Variants in NLN observed in about 807,000 individuals in gnomAD.
NLN encodes the protein neurolysin, mitochondrial.
Under a neutral mutation model 79.9 loss-of-function variants are expected in NLN, and 64 were observed. The observed-to-expected ratio is 0.80, with a 90% CI of 0.65 to 0.99. The LOEUF (loss-of-function observed/expected upper bound fraction) is 0.99, where lower values mean the gene tolerates loss of function less well. Among genes scored for constraint, NLN ranks in the 50% least tolerant of loss-of-function variants. The pLI, the probability that NLN is intolerant of heterozygous loss-of-function variation, is 0.00. For synonymous variants in NLN, 267 were observed against 296.6 expected, an observed-to-expected ratio of 0.90 and a Z score of 1.02; for missense variants, 835 against 858.7, an observed-to-expected ratio of 0.97 and a Z score of 0.34.
chr5:65,761,763 CT>C (rs1206424762), intron 2 of NLN, among the ~76,000 whole-genome samples: 2 of 151,898 alleles, frequency 1.3e-5, no homozygotes, highest in African/African-American at 4.8e-5. Flanking sequence ...AAAAATATAC[CT>C]TATGGATTTA....
intron 2 of NLN, 113 bp from the exon 3 acceptor site, chr5:65,762,847 A>G: frequency 3.8e-6 from 4 of 1,049,450 alleles, no homozygotes; most frequent in Non-Finnish European, 5.5e-6. Context: ...CAGAAAGTAT[A>G]AAATAAAACA....
At chr5:65,805,151 C>G (rs1011566553) in intron 9 of NLN, among the ~76,000 whole-genome samples, 2 of 152,280 alleles carry the variant, frequency 1.3e-5, no homozygotes, top group Admixed American at 1.3e-4. Context: ...ACTGACTGCT[C>G]CACCGGCCAT....
At position 65,828,998 on chromosome 5, in the gene NLN, T is replaced by G. The variant is rs202242937; in HGVS notation, c.*6083T>G. On this transcript the variant is annotated 3_prime_UTR_variant, in exon 13 of 13. Transcript: ENST00000380985. Reference sequence around the variant, plus strand: ...TGGGAACTGAGGATGGGAGATTAACTGTTGTATATGACCATAGTAAAGCAA... The same window carrying G: ...TGGGAACTGAGGATGGGAGATTAACGGTTGTATATGACCATAGTAAAGCAA... 1 of 152,236 alleles carries G rather than the reference T, an allele frequency of 6.6e-6. No individual in the cohort carries two copies. Among genetic ancestry groups the G allele is most frequent in the East Asian group, 1.9e-4 (1 of 5,194 alleles). The allele number at this position is 152,236 out of a possible 1,614,324, so 9.4% of individuals were successfully genotyped here. A position where few individuals can be genotyped will look rare whatever the true frequency, so the allele number is the denominator to read the frequency against.
intron 9 of NLN, among the ~76,000 whole-genome samples, chr5:65,799,894 A>C (rs1288137706): frequency 4.0e-5 from 6 of 151,780 alleles, no homozygotes; most frequent in African/African-American, 1.5e-4. Flanking sequence ...TTTATGGCAA[A>C]GTCTAGTAGA....
In NLN at chr5:65,824,107, CT is replaced by C. The variant is rs1212419647; in HGVS notation, c.*1193del. The C allele has an allele frequency of 6.6e-6, 1 of 151,884 alleles. No individual in the cohort carries two copies. The highest frequency in any genetic ancestry group is 1.5e-5 in the Non-Finnish European group (1 of 67,992). The allele number at this position is 151,884 out of a possible 1,614,324, so 9.4% of individuals were successfully genotyped here. On this transcript the variant is annotated 3_prime_UTR_variant, in exon 13 of 13. Coordinates refer to ENST00000380985, the MANE Select transcript of NLN (RefSeq NM_020726.5). The stretch of plus-strand genomic sequence containing the variant: ...CTCACAGTATTTTTCCTGTGGAAAT[CT>C]ATTCAATAAGGAAACCAAGACAGGA...
At chr5:65,787,066 C>T (rs1176821505) in intron 7 of NLN, among the ~76,000 whole-genome samples, 1 of 151,988 alleles carries the variant, frequency 6.6e-6, no homozygotes, top group African/African-American at 2.4e-5. Context: ...CCTTAGTAAC[C>T]ACCTGATTAA....
chr5:65,797,894 C>T (rs1373954489), intron 9 of NLN, among the ~76,000 whole-genome samples: 1 of 152,122 alleles, frequency 6.6e-6, no homozygotes, highest in Non-Finnish European at 1.5e-5. Flanking sequence ...TGGAAACCCT[C>T]ACGTTTGTAT....
intron 3 of NLN, among the ~76,000 whole-genome samples, chr5:65,764,811 T>C (rs987895822): frequency 6.6e-6 from 1 of 152,198 alleles, no homozygotes; most frequent in Non-Finnish European, 1.5e-5. Context: ...ATCAGGATAA[T>C]AAAAAATAAC....
At chr5:65,751,198 A>G (rs1759093517) in intron 1 of NLN, among the ~76,000 whole-genome samples, 1 of 152,220 alleles carries the variant, frequency 6.6e-6, no homozygotes, top group African/African-American at 2.4e-5. Flanking sequence ...CCTGCAAACC[A>G]TGTAGTACAA....
At chr5:65,735,122 T>C (rs1961705) in intron 1 of NLN, among the ~76,000 whole-genome samples, 35,971 of 151,906 alleles carry the variant, frequency 0.24, 4,395 homozygotes, top group African/African-American at 0.27. Flanking sequence ...GATCTGATGG[T>C]TTTATAAGGG....
intron 1 of NLN, among the ~76,000 whole-genome samples, chr5:65,749,343 T>A (rs1759054429): frequency 6.6e-6 from 1 of 152,200 alleles, no homozygotes; most frequent in African/African-American, 2.4e-5. Flanking sequence ...ATTAGAATTG[T>A]AGTGCAGTAA....
At chr5:65,780,983 T>C (rs1283689785) in intron 5 of NLN, among the ~76,000 whole-genome samples, 1 of 152,198 alleles carries the variant, frequency 6.6e-6, no homozygotes, top group East Asian at 1.9e-4. Context: ...TCCTGGGTCT[T>C]TCTTCACTTA....
In NLN at chr5:65,771,668, A is replaced by T. The variant is rs1228590928; in HGVS notation, c.451-5759A>T. Among the ~76,000 whole-genome samples the T allele has an allele frequency of 2.0e-5, 3 of 152,048 alleles. No individual in the cohort carries two copies. In the East Asian group the frequency reaches 5.8e-4, roughly 29 times the overall value. ...GATTAAGTATATGATTTTAAACATT[A>T]TGTAATCTCTCCTACTTGACCAGCC... On this transcript the variant is annotated intron_variant, in intron 3 of 12. Coordinates refer to ENST00000380985, the MANE Select transcript of NLN (RefSeq NM_020726.5).
chr5:65,751,462 G>A (rs1172764799), intron 1 of NLN, among the ~76,000 whole-genome samples: 1 of 152,118 alleles, frequency 6.6e-6, no homozygotes, highest in Non-Finnish European at 1.5e-5. Flanking sequence ...TTGGGGTGGG[G>A]GTTTGTGATG....
At chr5:65,748,307 G>A (rs947642158) in intron 1 of NLN, among the ~76,000 whole-genome samples, 3 of 152,184 alleles carry the variant, frequency 2.0e-5, no homozygotes, top group Non-Finnish European at 2.9e-5. Context: ...AGTTCTAAGG[G>A]AGATGGAAAA....
chr5:65,815,027 G>A (rs1056711461), intron 12 of NLN, among the ~76,000 whole-genome samples: 23 of 152,014 alleles, frequency 1.5e-4, no homozygotes, highest in African/African-American at 5.6e-4. Context: ...TTTTTACATA[G>A]TACATAGATT....
chr5:65,734,923 C>T (rs1225283283), intron 1 of NLN, among the ~76,000 whole-genome samples: 12 of 152,142 alleles, frequency 7.9e-5, no homozygotes, highest in African/African-American at 2.9e-4. Context: ...TAGGGAACCA[C>T]AAATTATTTA....
intron 1 of NLN, among the ~76,000 whole-genome samples, chr5:65,747,583 CT>C (rs960586832): frequency 6.6e-5 from 10 of 152,112 alleles, no homozygotes; most frequent in Non-Finnish European, 1.2e-4. Flanking sequence ...AAGCCCACCC[CT>C]GGCCCCCTCC....
chr5:65,741,155 A>T lies in NLN; in HGVS notation c.42-17412A>T, dbSNP rs370610023. ...CCAAAGTGCTGGGATTACAGGTGTG[A>T]GCCACCATGCCTGGCCTTTGTAATA... On this transcript the variant is annotated intron_variant, in intron 1 of 12. Coordinates refer to ENST00000380985, the MANE Select transcript of NLN (RefSeq NM_020726.5). Among the ~76,000 whole-genome samples, 39 of 152,242 alleles carry T rather than the reference A, an allele frequency of 2.6e-4. 1 individual carries two copies. Among genetic ancestry groups the T allele is most frequent in the African/African-American group, 8.7e-4 (36 of 41,564 alleles).
Sources: gnomAD v4.1 joint callset for allele counts (sites outside exome capture counted in the v4.1 genomes callset) on GRCh38, gnomAD v4.1.1 for gene constraint, MANE v1.5 for transcripts, NCBI Gene and HGNC (gene_info 2026-07-23, HGNC 2026-07-21) for gene names.